The following LRMDA variants were observed in gnomAD, a reference collection of about 807,000 sequenced individuals.
The protein encoded by LRMDA is leucine-rich melanocyte differentiation-associated protein.
A neutral mutation model predicts 29.8 loss-of-function variants in LRMDA; 18 were observed. That is an observed-to-expected ratio of 0.60 (90% CI 0.42 to 0.90). The LOEUF is 0.90. Among genes scored for constraint, LRMDA ranks in the 40% least tolerant of loss-of-function variants. The pLI is 0.00. For synonymous variants in LRMDA, 125 were observed against 109.4 expected, an observed-to-expected ratio of 1.14 and a Z score of -0.89; for missense variants, 273 against 273.9, an observed-to-expected ratio of 1.00 and a Z score of 0.02.
chr10:76,096,975 T>C (rs1849320989), intron 5 of LRMDA, among the ~76,000 whole-genome samples: 1 of 151,558 alleles, frequency 6.6e-6, no homozygotes, highest in South Asian at 2.1e-4. Flanking sequence ...TTTTTCAAAT[T>C]GACAATCATG....
chr10:76,065,680 C>T (rs1405769504), intron 5 of LRMDA, among the ~76,000 whole-genome samples: 1 of 152,226 alleles, frequency 6.6e-6, no homozygotes, highest in Non-Finnish European at 1.5e-5. Flanking sequence ...CTCTGCAACC[C>T]AACAACTGGG....
chr10:76,453,886 A>G (rs938129130), intron 6 of LRMDA, among the ~76,000 whole-genome samples: 1 of 152,230 alleles, frequency 6.6e-6, no homozygotes, highest in African/African-American at 2.4e-5. Flanking sequence ...CATAAAATGC[A>G]TATCTATGTA....
In LRMDA at chr10:75,983,116, G is replaced by C. The variant is rs116764875; in HGVS notation, c.132-52892G>C. Among the ~76,000 whole-genome samples the C allele has an allele frequency of 3.2e-3, 482 of 152,220 alleles. 2 individuals carry two copies. The highest frequency in any genetic ancestry group is 0.011 in the African/African-American group (448 of 41,532). ...CAAGTCAACCTCCACTTGAAGGCAG[G>C]GGGGAGCTCGGGTTGTAGTAAACAA... On this transcript the variant is annotated intron_variant, in intron 2 of 6. Coordinates refer to ENST00000611255, the MANE Select transcript of LRMDA (RefSeq NM_001305581.2).
At chr10:76,227,250 A>C (rs1471382056) in intron 5 of LRMDA, among the ~76,000 whole-genome samples, 2 of 152,232 alleles carry the variant, frequency 1.3e-5, no homozygotes, top group African/African-American at 4.8e-5. Flanking sequence ...CCCAATAAGT[A>C]ATATCAGTAA....
Position 76,462,766 on chromosome 10 carries a change from C to A in LRMDA, c.602-94443C>A, listed in dbSNP as rs764801274. On this transcript the variant is annotated intron_variant, in intron 6 of 6. Transcript: ENST00000611255. ...AACAGCCCTCTCCAGCTACTCAGTG[C>A]CTCCCACATTGGACAACTGGGAAAG... 2.6e-5 allele frequency among the ~76,000 whole-genome samples: 4 copies of A among 152,280 alleles called. No homozygotes were observed. In the East Asian group the frequency reaches 7.7e-4, roughly 29 times the overall value.
chr10:76,016,301 G>A (rs995161339), intron 2 of LRMDA, among the ~76,000 whole-genome samples: 18 of 151,244 alleles, frequency 1.2e-4, no homozygotes, highest in African/African-American at 4.1e-4. Flanking sequence ...GTCTAAAAAA[G>A]GTATATTACT....
chr10:75,593,416 T>A (rs1277545680), intron 2 of LRMDA, among the ~76,000 whole-genome samples: 1 of 152,240 alleles, frequency 6.6e-6, no homozygotes, highest in Non-Finnish European at 1.5e-5. Context: ...TGATTGAGTC[T>A]GTTTGTTATA....
chr10:76,308,054 G>A (rs1186472240), intron 5 of LRMDA, among the ~76,000 whole-genome samples: 13 of 152,104 alleles, frequency 8.5e-5, no homozygotes, highest in Admixed American at 7.9e-4. Flanking sequence ...TTAATTGTGT[G>A]TGACTTAAAT....
intron 2 of LRMDA, among the ~76,000 whole-genome samples, chr10:75,677,774 T>C (rs1277650902): frequency 6.6e-6 from 1 of 152,206 alleles, no homozygotes; most frequent in Non-Finnish European, 1.5e-5. Context: ...AGGCCAACTA[T>C]GCACTGAGTT....
intron 2 of LRMDA, among the ~76,000 whole-genome samples, chr10:75,799,680 TTGTGTGTGTGTGTGTGTGTG>T (rs57575125): frequency 4.4e-5 from 6 of 136,126 alleles, no homozygotes; most frequent in Non-Finnish European, 6.3e-5. Context: ...ATTCCTAGCT[TTGTGTGTGTGTGTGTGTGTG>T]TGTGTGTGTG....
chr10:76,276,988 T>C (rs1168901230), intron 5 of LRMDA, among the ~76,000 whole-genome samples: 1 of 152,168 alleles, frequency 6.6e-6, no homozygotes, highest in African/African-American at 2.4e-5. Flanking sequence ...CTAATCTGCT[T>C]TGGATATGTC....
chr10:76,092,569 G>T (rs2132092400), intron 5 of LRMDA, among the ~76,000 whole-genome samples: 1 of 152,312 alleles, frequency 6.6e-6, no homozygotes, highest in African/African-American at 2.4e-5. Context: ...AATGTTTGAA[G>T]GCAATACAAC....
intron 5 of LRMDA, among the ~76,000 whole-genome samples, chr10:76,214,330 A>ATTTTTTTTTTTTT (rs753986574): frequency 1.1e-5 from 1 of 87,242 alleles, no homozygotes; most frequent in Non-Finnish European, 2.0e-5. Flanking sequence ...CTTGAACCAA[A>ATTTTTTTTTTTTT]TTTTTTTTTT....
At chr10:75,699,292 T>C (rs1351935343) in intron 2 of LRMDA, among the ~76,000 whole-genome samples, 1 of 151,966 alleles carries the variant, frequency 6.6e-6, no homozygotes, top group African/African-American at 2.4e-5. Flanking sequence ...TGGCCAAAAA[T>C]ACATTTGAAA....
chr10:75,812,598 C>T (rs1843984569), intron 2 of LRMDA, among the ~76,000 whole-genome samples: 1 of 152,130 alleles, frequency 6.6e-6, no homozygotes. Context: ...TGATACAATT[C>T]TTCGTGAGTA....
rs371515829 is a variant in LRMDA at position 75,959,286 on chromosome 10, A to T, written c.132-76722A>T. ...GCAGCAAGCCTGCTGCAACATTGCCAAGTGTGGGAGAGGGACCGGGTTTTG... is the reference window on the plus strand; with the variant it reads ...GCAGCAAGCCTGCTGCAACATTGCCTAGTGTGGGAGAGGGACCGGGTTTTG... On this transcript the variant is annotated intron_variant, in intron 2 of 6. Transcript: ENST00000611255. 2.6e-5 allele frequency among the ~76,000 whole-genome samples: 4 copies of T among 152,128 alleles called. No individual in the cohort carries two copies. The East Asian group carries it at 5.8e-4, about 22-fold the overall frequency.
intron 6 of LRMDA, among the ~76,000 whole-genome samples, chr10:76,495,930 A>G (rs1342480708): frequency 2.1e-5 from 1 of 46,602 alleles, no homozygotes; most frequent in East Asian, 3.5e-4. Context: ...AGTGTTTTAT[A>G]TAGACAATTA....
intron 5 of LRMDA, among the ~76,000 whole-genome samples, chr10:76,283,602 T>C (rs1029368832): frequency 2.0e-5 from 3 of 152,220 alleles, no homozygotes; most frequent in African/African-American, 7.2e-5. Context: ...ATTGAATGCT[T>C]ACTATATACA....
chr10:75,814,622 A>G (rs1263485758), intron 2 of LRMDA, among the ~76,000 whole-genome samples: 1 of 152,140 alleles, frequency 6.6e-6, no homozygotes, highest in East Asian at 1.9e-4. Context: ...CAGAATACCA[A>G]CCAAGTGCAG....
Sources: gnomAD v4.1 joint callset for allele counts (sites outside exome capture counted in the v4.1 genomes callset) on GRCh38, gnomAD v4.1.1 for gene constraint, MANE v1.5 for transcripts, NCBI Gene and HGNC (gene_info 2026-07-23, HGNC 2026-07-21) for gene names.